The following BRINP3 variants were observed in gnomAD, a reference collection of about 807,000 sequenced individuals.
BRINP3 encodes the protein BMP/retinoic acid inducible neural specific 3.
In BRINP3, 19 loss-of-function variants were observed where a neutral mutation model predicts 71.0. That is an observed-to-expected ratio of 0.27 (90% CI 0.19 to 0.39). The LOEUF is 0.39. Among genes scored for constraint, BRINP3 ranks in the 10% least tolerant of loss-of-function variants. The pLI is 1.00. For missense variants in BRINP3, 959 were observed against 940.8 expected, an observed-to-expected ratio of 1.02 and a Z score of -0.25; for synonymous variants, 380 against 337.7, an observed-to-expected ratio of 1.13 and a Z score of -1.37.
chr1:190,235,789 CCA>C (rs1658459175), intron 4 of BRINP3, among the ~76,000 whole-genome samples: 1 of 151,912 alleles, frequency 6.6e-6, no homozygotes, highest in South Asian at 2.1e-4. Flanking sequence ...AGTGAATACC[CCA>C]AACTCTTCCA....
intron 6 of BRINP3, among the ~76,000 whole-genome samples, chr1:190,171,814 T>C (rs776056567): frequency 2.6e-5 from 4 of 152,156 alleles, no homozygotes; most frequent in Non-Finnish European, 4.4e-5. Context: ...TTTTTAAAAA[T>C]GTTGTCTTCT....
intron 6 of BRINP3, among the ~76,000 whole-genome samples, chr1:190,207,370 C>A (rs1655604143): frequency 6.6e-6 from 1 of 152,104 alleles, no homozygotes; most frequent in Non-Finnish European, 1.5e-5. Context: ...ACACAACTAC[C>A]TGACAACCTG....
intron 6 of BRINP3, among the ~76,000 whole-genome samples, chr1:190,173,017 C>T (rs1427070887): frequency 1.3e-5 from 2 of 152,148 alleles, no homozygotes; most frequent in African/African-American, 2.4e-5. Context: ...CTCTTTCTAC[C>T]TTCTTCCTTT....
chr1:190,217,958 T>C (rs1378409314), intron 6 of BRINP3, among the ~76,000 whole-genome samples: 2 of 152,088 alleles, frequency 1.3e-5, no homozygotes, highest in East Asian at 1.9e-4. Flanking sequence ...ACACATAACA[T>C]GTAGTGAGCT....
chr1:190,186,952 T>C (rs1182533129), intron 6 of BRINP3, among the ~76,000 whole-genome samples: 1 of 152,194 alleles, frequency 6.6e-6, no homozygotes, highest in Admixed American at 6.5e-5. Context: ...AATAGATCTG[T>C]ATCTTCCTTT....
chr1:190,295,347 C>G (rs1664170030), intron 2 of BRINP3, among the ~76,000 whole-genome samples: 1 of 152,104 alleles, frequency 6.6e-6, no homozygotes, highest in Non-Finnish European at 1.5e-5. Flanking sequence ...GTACTCTTCC[C>G]TCTTCTTTTC....
intron 4 of BRINP3, among the ~76,000 whole-genome samples, chr1:190,257,698 C>T (rs1409157373): frequency 6.6e-6 from 1 of 152,106 alleles, no homozygotes; most frequent in African/African-American, 2.4e-5. Flanking sequence ...GATGATATTC[C>T]TTTCTGTTTG....
intron 1 of BRINP3, among the ~76,000 whole-genome samples, chr1:190,463,994 T>G (rs2249155): frequency 0.61 from 91,704 of 151,530 alleles, 28,359 homozygotes; most frequent in Non-Finnish European, 0.67. Context: ...AGAGTATGGA[T>G]AAATAATTGC....
chr1:190,185,200 A>T (rs1406152500), intron 6 of BRINP3, among the ~76,000 whole-genome samples: 3 of 152,176 alleles, frequency 2.0e-5, no homozygotes, highest in Non-Finnish European at 4.4e-5. Flanking sequence ...ATTTGCAAAT[A>T]TTTTATATCT....
intron 7 of BRINP3, among the ~76,000 whole-genome samples, chr1:190,104,620 A>T (rs1484008666): frequency 6.6e-6 from 1 of 152,092 alleles, no homozygotes; most frequent in African/African-American, 2.4e-5. Flanking sequence ...CATTTTAATA[A>T]CATGATCAAG....
chr1:190,443,302 G>A (rs369295567), intron 2 of BRINP3, among the ~76,000 whole-genome samples: 112 of 151,728 alleles, frequency 7.4e-4, no homozygotes, highest in African/African-American at 2.6e-3. Flanking sequence ...TTACTCGGGA[G>A]GCTGAGGCAG....
At chr1:190,310,884 AT>A (rs1438537994) in intron 2 of BRINP3, among the ~76,000 whole-genome samples, 2 of 151,826 alleles carry the variant, frequency 1.3e-5, no homozygotes, top group African/African-American at 4.8e-5. Context: ...CCCATGATGC[AT>A]AACAAAGCAG....
intron 3 of BRINP3, among the ~76,000 whole-genome samples, chr1:190,267,643 A>T (rs1661772271): frequency 6.6e-6 from 1 of 152,126 alleles, no homozygotes; most frequent in African/African-American, 2.4e-5. Flanking sequence ...AGCTTCTTTC[A>T]GGAGAAAAAA....
rs546199280 is a variant in BRINP3 at position 190,273,606 on chromosome 1, C to T, written c.427+7954G>A. 4.0e-5 allele frequency among the ~76,000 whole-genome samples: 6 copies of T among 151,600 alleles called. No homozygotes were observed. In the South Asian group the frequency reaches 1.2e-3, roughly 31 times the overall value. On this transcript the variant is annotated intron_variant, in intron 3 of 7. Transcript: ENST00000367462. ...AAAAAATCACCATTTTAATGTTATA[C>T]CATGGCTGGCTCATAGAATTTGACA...
chr1:190,256,215 G>A (rs1034925029), intron 4 of BRINP3, among the ~76,000 whole-genome samples: 10 of 152,154 alleles, frequency 6.6e-5, no homozygotes, highest in Admixed American at 3.9e-4. Flanking sequence ...GAATAAGTGC[G>A]ATGTGGTGCT....
At chr1:190,124,177 C>T (rs1041218959) in intron 7 of BRINP3, among the ~76,000 whole-genome samples, 4 of 152,132 alleles carry the variant, frequency 2.6e-5, no homozygotes, top group South Asian at 2.1e-4. Flanking sequence ...TCACAGGAGT[C>T]GTCTGATCCT....
At chr1:190,432,292 C>T (rs1047154850) in intron 2 of BRINP3, among the ~76,000 whole-genome samples, 1 of 152,042 alleles carries the variant, frequency 6.6e-6, no homozygotes, top group Non-Finnish European at 1.5e-5. Context: ...GAAAACAATG[C>T]AATTTCTGGT....
At chr1:190,374,359 C>T (rs528559786) in intron 2 of BRINP3, among the ~76,000 whole-genome samples, 1 of 152,016 alleles carries the variant, frequency 6.6e-6, no homozygotes, top group Non-Finnish European at 1.5e-5. Context: ...ATGACATGGG[C>T]TAATACTGGA....
At chr1:190,237,616 G>T (rs1244292102) in intron 4 of BRINP3, among the ~76,000 whole-genome samples, 2 of 151,896 alleles carry the variant, frequency 1.3e-5, no homozygotes, top group African/African-American at 4.8e-5. Flanking sequence ...CTATCCTTTT[G>T]CCAGACATGA....
Sources: allele counts gnomAD v4.1 joint callset (sites outside exome capture counted in the v4.1 genomes callset), GRCh38; gene constraint gnomAD v4.1.1; transcripts MANE v1.5; gene names NCBI Gene and HGNC (gene_info 2026-07-23, HGNC 2026-07-21).